Variants in RARG observed in about 807,000 individuals in gnomAD.
RARG encodes retinoic acid receptor gamma, also known as RAR-gamma.
Under a neutral mutation model 43.7 loss-of-function variants are expected in RARG, and 17 were observed. That is an observed-to-expected ratio of 0.39 (90% CI 0.27 to 0.58). The LOEUF is 0.58. Ranked by LOEUF, RARG falls within the 20% of genes least tolerant of loss-of-function variation. The probability of loss-of-function intolerance (pLI) is 0.57; values close to 1 mark genes in which losing one functional copy is unlikely to be tolerated. For synonymous variants in RARG, 238 were observed against 236.4 expected, an observed-to-expected ratio of 1.01 and a Z score of -0.06; for missense variants, 346 against 598.7, an observed-to-expected ratio of 0.58 and a Z score of 4.40.
At chr12:53,229,798 A>C (rs1943188923) in intron 2 of RARG, 1 of 325,984 alleles carries the variant, frequency 3.1e-6, no homozygotes. Context: ...GACTGGGAAC[A>C]GGGCTCTCTG....
In RARG at chr12:53,215,272, A is replaced by C. The variant is rs776994997; in HGVS notation, c.475+21T>G. 5.0e-6 allele frequency: 8 copies of C among 1,612,968 alleles called. No individual in the cohort carries two copies. Among genetic ancestry groups the C allele is most frequent in the Non-Finnish European group, 6.8e-6 (8 of 1,179,344 alleles). ...GGGTAGGACCGAAGTGCTCCTGCCC[A>C]AGCCAAGGATGGCAGCCTACCTTCC... On this transcript the variant is annotated intron_variant, in intron 5 of 9. Coordinates refer to ENST00000425354, the MANE Select transcript of RARG (RefSeq NM_000966.6). The surrounding 1 kb of genome is among the most constrained non-coding windows in gnomAD (Gnocchi z 6.4).
chr12:53,216,707 C>G (rs918841189), intron 3 of RARG, among the ~76,000 whole-genome samples: 1 of 152,068 alleles, frequency 6.6e-6, no homozygotes, highest in Non-Finnish European at 1.5e-5. Context: ...TGTTTCTGGA[C>G]CCTCTCTGAG....
At chr12:53,219,965 G>T in intron 3 of RARG, 1 of 1,516,224 alleles carries the variant, frequency 6.6e-7, no homozygotes, top group African/African-American at 1.4e-5. Flanking sequence ...AGGCTGGCGG[G>T]TTGCGGCCAG....
intron 3 of RARG, among the ~76,000 whole-genome samples, chr12:53,224,115 GCACGCACACA>G (rs1943052721): frequency 2.0e-5 from 3 of 152,066 alleles, no homozygotes; most frequent in African/African-American, 7.2e-5. Flanking sequence ...GAACACACAC[GCACGCACACA>G]CACGTACACA....
At chr12:53,218,744 T>C (rs888072295) in intron 3 of RARG, among the ~76,000 whole-genome samples, 1 of 151,102 alleles carries the variant, frequency 6.6e-6, no homozygotes, top group Admixed American at 6.6e-5. Flanking sequence ...GCGAGGCGCG[T>C]TGGCGGGGGC....
intron 3 of RARG, among the ~76,000 whole-genome samples, chr12:53,221,384 C>G (rs1412245528): frequency 6.6e-6 from 1 of 152,198 alleles, no homozygotes; most frequent in East Asian, 1.9e-4. Flanking sequence ...CCAACTGCGC[C>G]TCGATGAATC....
At chr12:53,220,509 T>A in intron 3 of RARG, 3 of 401,208 alleles carry the variant, frequency 7.5e-6, no homozygotes, top group Non-Finnish European at 1.3e-5. Context: ...GCGCGCTTGC[T>A]TAGACACACA....
At chr12:53,230,341 G>A (rs1378054769) in intron 2 of RARG, among the ~76,000 whole-genome samples, 1 of 151,920 alleles carries the variant, frequency 6.6e-6, no homozygotes, top group Non-Finnish European at 1.5e-5. Context: ...GGATGGAGGG[G>A]GGTGTGTTTC....
Position 53,213,162 on chromosome 12 carries a change from C to A in RARG, c.1100G>T (p.Arg367Leu). 6.2e-7 allele frequency: 1 copy of A among 1,613,556 alleles called. No individual in the cohort carries two copies. The highest frequency in any genetic ancestry group is 8.5e-7 in the Non-Finnish European group (1 of 1,179,466). Residue 367 changes from arginine to leucine, a missense_variant, in exon 9 of 10, where the codon CGC (arginine) becomes CTC (leucine). Arg to Leu is a moderately radical substitution (Grantham distance 102). Coordinates refer to ENST00000425354, the MANE Select transcript of RARG (RefSeq NM_000966.6). The surrounding 1 kb of genome is among the most constrained non-coding windows in gnomAD (Gnocchi z 4.7). ...CATGTAGGGCTGGCTGGGCCGCCGG[C>A]GCCGGGCGTACAGCCTCAGGGCTTC... ...LLEALRLYAR[R>L]RRPSQPYMFP...
chr12:53,226,513 C>T (rs1011902929), intron 3 of RARG, among the ~76,000 whole-genome samples: 2 of 151,922 alleles, frequency 1.3e-5, no homozygotes, highest in African/African-American at 4.8e-5. Flanking sequence ...ATTTTAAAGA[C>T]GGGGTTTCAC....
rs1260907651 is a variant in RARG at position 53,215,159 on chromosome 12, GCCTGGGAGAAGGCAGCAC to G, written c.475+116_475+133del. 3.6e-6 allele frequency: 4 copies of G among 1,103,420 alleles called. No individual in the cohort carries two copies. The highest frequency in any genetic ancestry group is 5.1e-6 in the Non-Finnish European group (4 of 778,766). 68.4% of individuals were successfully genotyped at this position (1,103,420 alleles called of 1,614,324 possible). A position where few individuals can be genotyped will look rare whatever the true frequency, so the allele number is the denominator to read the frequency against. On this transcript the variant is annotated intron_variant, in intron 5 of 9. Coordinates refer to ENST00000425354, the MANE Select transcript of RARG (RefSeq NM_000966.6). The surrounding 1 kb of genome is among the most constrained non-coding windows in gnomAD (Gnocchi z 6.4). Reference sequence around the variant, plus strand: ...GAATGGAGCTAATCAAATAAGACTGGCCTGGGAGAAGGCAGCACCCCAGGGCAGGCCAAGTCTCAGAGG... The same window carrying G: ...GAATGGAGCTAATCAAATAAGACTGGCCCAGGGCAGGCCAAGTCTCAGAGG...
chr12:53,231,902 C>T, intron 1 of RARG, 72 bp downstream of exon 1: 1 of 394,728 alleles, frequency 2.5e-6, no homozygotes, highest in African/African-American at 2.1e-5. Context: ...TCCTCCGCGC[C>T]CCCTCCCCCA....
rs1942689966 is a variant in RARG at position 53,214,137 on chromosome 12, G to A, written c.735C>T (p.Ala245=). ...GCCCTGTAAAGCCAGGCAACCGCTT[G>A]GCAAACTCCACGATCTTGATGATGC... ...TKCIIKIVEF[A]KRLPGFTGLS... The change falls in exon 7 of 10, where the codon GCC becomes GCT. Residue 245 remains alanine, a synonymous_variant. Coordinates refer to ENST00000425354, the MANE Select transcript of RARG (RefSeq NM_000966.6). 6.2e-7 allele frequency: 1 copy of A among 1,613,994 alleles called. No homozygotes were observed. The highest frequency in any genetic ancestry group is 1.1e-5 in the South Asian group (1 of 91,082).
chr12:53,227,404 C>A lies in RARG; in HGVS notation c.142G>T (p.Gly48Cys), dbSNP rs974038537. The A allele has an allele frequency of 6.2e-7, 1 of 1,601,056 alleles. No homozygotes were observed. Among genetic ancestry groups the A allele is most frequent in the Non-Finnish European group, 8.5e-7 (1 of 1,174,040 alleles). Reference protein sequence around the residue: ...PFEMLSPSFRGLGQPDLPKEM... With the variant: ...PFEMLSPSFRCLGQPDLPKEM... ...TTGGGGAGGTCAGGCTGGCCCAGGC[C>A]CCGGAAGCTAGGGCTCAGCATCTCG... is the stretch of plus-strand genomic sequence containing the variant. Residue 48 changes from glycine (G) to cysteine (C), a missense_variant, in exon 3 of 10, where the codon GGC (glycine) becomes TGC (cysteine). Gly to Cys is a radical substitution (Grantham distance 159). Transcript: ENST00000425354. This position sits in a 1 kb window ranked among gnomAD's most constrained non-coding sequence, Gnocchi z 4.3.
At chr12:53,223,896 T>C (rs933826507) in intron 3 of RARG, among the ~76,000 whole-genome samples, 2 of 151,990 alleles carry the variant, frequency 1.3e-5, no homozygotes, top group African/African-American at 4.8e-5. Flanking sequence ...AGTGGCCCCA[T>C]GGCCAGGGCA....
At chr12:53,218,035 T>G (rs1484448396) in intron 3 of RARG, among the ~76,000 whole-genome samples, 1 of 151,980 alleles carries the variant, frequency 6.6e-6, no homozygotes, top group Non-Finnish European at 1.5e-5. Flanking sequence ...ACAGCCAGAA[T>G]AGAGACACAC....
intron 3 of RARG, among the ~76,000 whole-genome samples, chr12:53,222,909 AG>A (rs767216040): frequency 1.2e-4 from 19 of 152,110 alleles, no homozygotes; most frequent in Non-Finnish European, 2.2e-4. Context: ...GGGAGTATGA[AG>A]GGGGGCTGCT....
At chr12:53,229,946 GT>G (rs1321067742) in intron 2 of RARG, 94 of 975,526 alleles carry the variant, frequency 9.6e-5, no homozygotes, top group Non-Finnish European at 1.1e-4. Flanking sequence ...AATGAGAGTT[GT>G]CCTTGGCCTT....
chr12:53,220,146 C>T lies in RARG; in HGVS notation c.185-4352G>A, dbSNP rs548790912. The T allele has an allele frequency of 2.3e-5, 35 of 1,550,150 alleles. No homozygotes were observed. The African/African-American group carries it at 3.7e-4, about 16-fold the overall frequency. ...AACTGGGTGCTGGAAACACCAAGGA[C>T]CCGCAGCCGATTCCCCCTCCTCCCC... On this transcript the variant is annotated intron_variant, in intron 3 of 9. Coordinates refer to ENST00000425354, the MANE Select transcript of RARG (RefSeq NM_000966.6).
Sources: allele counts gnomAD v4.1 joint callset (sites outside exome capture counted in the v4.1 genomes callset), GRCh38; gene constraint gnomAD v4.1.1; non-coding constraint Gnocchi (gnomAD v3.1); transcripts MANE v1.5; gene names NCBI Gene and HGNC (gene_info 2026-07-23, HGNC 2026-07-21).